The following CNTNAP2 variants were observed in gnomAD, a reference collection of about 807,000 sequenced individuals.
CNTNAP2 encodes contactin-associated protein-like 2.
CNTNAP2 carries 98 observed loss-of-function variants against 155.2 expected under a neutral mutation model. The ratio of observed to expected loss-of-function variants is 0.63; its 90% CI spans 0.54 to 0.75. The LOEUF (loss-of-function observed/expected upper bound fraction) is 0.75, where lower values mean the gene tolerates loss of function less well. Ranked by LOEUF, CNTNAP2 falls within the 30% of genes least tolerant of loss-of-function variation. CNTNAP2 has a pLI of 0.00. For synonymous variants in CNTNAP2, 651 were observed against 631.2 expected, an observed-to-expected ratio of 1.03 and a Z score of -0.47; for missense variants, 1,727 against 1,688.1, an observed-to-expected ratio of 1.02 and a Z score of -0.40.
chr7:147,342,781 A>G (rs1255609489), intron 9 of CNTNAP2, among the ~76,000 whole-genome samples: 1 of 152,152 alleles, frequency 6.6e-6, no homozygotes, highest in Non-Finnish European at 1.5e-5. Flanking sequence ...ATGTGATCCT[A>G]AAAATATTAA....
intron 1 of CNTNAP2, among the ~76,000 whole-genome samples, chr7:146,456,601 T>C (rs752508723): frequency 6.6e-6 from 1 of 152,202 alleles, no homozygotes; most frequent in Non-Finnish European, 1.5e-5. Context: ...CCTGGTTTAC[T>C]TGTTCTTTTG....
intron 21 of CNTNAP2, among the ~76,000 whole-genome samples, chr7:148,352,205 A>G (rs1798439978): frequency 6.6e-6 from 1 of 152,192 alleles, no homozygotes; most frequent in Non-Finnish European, 1.5e-5. Context: ...ATGTTTTTAC[A>G]AGAACACTCT....
At chr7:147,237,943 T>A (rs977849953) in intron 8 of CNTNAP2, among the ~76,000 whole-genome samples, 1 of 152,242 alleles carries the variant, frequency 6.6e-6, no homozygotes, top group African/African-American at 2.4e-5. Flanking sequence ...TTAAATTCCA[T>A]GGGATAGTGC....
chr7:147,727,747 C>CTTTT lies in CNTNAP2; in HGVS notation c.2098+88453_2098+88456dup, dbSNP rs10689191. Among the ~76,000 whole-genome samples the CTTTT allele has an allele frequency of 2.4e-3, 346 of 141,638 alleles. 3 individuals carry two copies. The highest frequency in any genetic ancestry group is 6.3e-3 in the South Asian group (28 of 4,456). 92.9% of individuals were successfully genotyped at this position (141,638 alleles called of 152,430 possible). A position where few individuals can be genotyped will look rare whatever the true frequency, so the allele number is the denominator to read the frequency against. ...GAAACAAGCCTGTTTCCAAAGCCTG[C>CTTTT]TTTTTTTTTTTTTTTCCTGCGCTCA... is the stretch of plus-strand genomic sequence containing the variant. On this transcript the variant is annotated intron_variant, in intron 13 of 23. Coordinates refer to ENST00000361727, the MANE Select transcript of CNTNAP2 (RefSeq NM_014141.6).
chr7:147,341,857 T>A (rs903156014), intron 9 of CNTNAP2, among the ~76,000 whole-genome samples: 6 of 152,004 alleles, frequency 3.9e-5, no homozygotes, highest in Admixed American at 3.3e-4. Context: ...AAAAGTTGAC[T>A]TACATTAATA....
chr7:147,618,665 ATATATAAT>A (rs1294898896), intron 12 of CNTNAP2, among the ~76,000 whole-genome samples: 254 of 148,468 alleles, frequency 1.7e-3, no homozygotes, highest in African/African-American at 6.0e-3. Flanking sequence ...CAGCTATTAT[ATATATAAT>A]AACAGCTATT....
chr7:147,239,558 T>C (rs1803894655), intron 8 of CNTNAP2, among the ~76,000 whole-genome samples: 1 of 151,348 alleles, frequency 6.6e-6, no homozygotes, highest in African/African-American at 2.4e-5. Context: ...TTCATGACTG[T>C]GCATACATAC....
intron 2 of CNTNAP2, among the ~76,000 whole-genome samples, chr7:146,801,738 C>A (rs552315408): frequency 6.6e-6 from 1 of 152,062 alleles, no homozygotes; most frequent in East Asian, 1.9e-4. Context: ...TAGGAGATTT[C>A]CATTGTCAAT....
intron 15 of CNTNAP2, among the ~76,000 whole-genome samples, chr7:148,105,527 C>A (rs149361021): frequency 6.1e-4 from 93 of 152,154 alleles, no homozygotes; most frequent in African/African-American, 2.1e-3. Context: ...TATTTGGAAC[C>A]GTTGGGATTT....
chr7:148,005,146 C>A (rs1189017106), intron 15 of CNTNAP2, among the ~76,000 whole-genome samples: 2 of 152,080 alleles, frequency 1.3e-5, no homozygotes, highest in Non-Finnish European at 2.9e-5. Flanking sequence ...AGACCAGAAG[C>A]CTGAGCCCAG....
chr7:148,061,009 A>G (rs966932740), intron 15 of CNTNAP2, among the ~76,000 whole-genome samples: 1 of 152,320 alleles, frequency 6.6e-6, no homozygotes, highest in Admixed American at 6.5e-5. Flanking sequence ...AGAGTTTGAG[A>G]CCAAAAGGTT....
At chr7:146,932,238 T>A (rs941339343) in intron 3 of CNTNAP2, among the ~76,000 whole-genome samples, 3 of 152,154 alleles carry the variant, frequency 2.0e-5, no homozygotes, top group South Asian at 2.1e-4. Flanking sequence ...GCTTATCACC[T>A]TGATCAAGTG....
At chr7:146,173,532 A>C (rs1409322995) in intron 1 of CNTNAP2, among the ~76,000 whole-genome samples, 2 of 152,092 alleles carry the variant, frequency 1.3e-5, no homozygotes, top group Admixed American at 1.3e-4. Context: ...TTTAGGGTAT[A>C]AGGCTAAATT....
intron 3 of CNTNAP2, among the ~76,000 whole-genome samples, chr7:146,866,956 A>C (rs184608096): frequency 2.4e-4 from 36 of 152,254 alleles, no homozygotes; most frequent in Non-Finnish European, 2.5e-4. Flanking sequence ...TTTTATAAAC[A>C]TAGATTATTT....
At chr7:147,588,739 C>T (rs1487422923) in intron 12 of CNTNAP2, among the ~76,000 whole-genome samples, 1 of 152,138 alleles carries the variant, frequency 6.6e-6, no homozygotes, top group Non-Finnish European at 1.5e-5. Flanking sequence ...AGGCAACTGA[C>T]ATTTATAGGA....
At chr7:148,233,673 C>T (rs1796000321) in intron 20 of CNTNAP2, among the ~76,000 whole-genome samples, 1 of 152,236 alleles carries the variant, frequency 6.6e-6, no homozygotes, top group Non-Finnish European at 1.5e-5. Context: ...GTGTCCAAGG[C>T]AACGTGCTAA....
At chr7:146,746,137 A>G (rs1801806447) in intron 1 of CNTNAP2, among the ~76,000 whole-genome samples, 1 of 152,182 alleles carries the variant, frequency 6.6e-6, no homozygotes, top group South Asian at 2.1e-4. Flanking sequence ...GATTCATTTT[A>G]TCTTTTTTAG....
In CNTNAP2 at chr7:147,444,747, A is replaced by G. The variant is rs546709825; in HGVS notation, c.1671-41188A>G. On this transcript the variant is annotated intron_variant, in intron 10 of 23. Coordinates refer to ENST00000361727, the MANE Select transcript of CNTNAP2 (RefSeq NM_014141.6). Reference sequence around the variant, plus strand: ...GAGGAACCAGGGAGATAGCAAGTGCAGGAGGAAAGCACAGGTATGGAAAGT... The same window carrying G: ...GAGGAACCAGGGAGATAGCAAGTGCGGGAGGAAAGCACAGGTATGGAAAGT... Among the ~76,000 whole-genome samples, 66 of 152,280 alleles carry G rather than the reference A, an allele frequency of 4.3e-4. 2 individuals carry two copies. The South Asian group carries it at 0.014, about 32-fold the overall frequency.
chr7:147,625,273 AC>A (rs1263437770), intron 12 of CNTNAP2, among the ~76,000 whole-genome samples: 1 of 152,260 alleles, frequency 6.6e-6, no homozygotes, highest in East Asian at 1.9e-4. Flanking sequence ...TGTTTGTAAC[AC>A]AAAGCATAAA....
Sources: gnomAD v4.1 joint callset for allele counts (sites outside exome capture counted in the v4.1 genomes callset) on GRCh38, gnomAD v4.1.1 for gene constraint, MANE v1.5 for transcripts, NCBI Gene and HGNC (gene_info 2026-07-23, HGNC 2026-07-21) for gene names.